DDX19A: variants seen among roughly 807,000 people sequenced by gnomAD.
DDX19A encodes the protein ATP-dependent RNA helicase DDX19A.
Under a neutral mutation model 60.6 loss-of-function variants are expected in DDX19A, and 12 were observed. That is an observed-to-expected ratio of 0.20 (90% CI 0.13 to 0.32). The LOEUF (loss-of-function observed/expected upper bound fraction) is 0.32, where lower values mean the gene tolerates loss of function less well. Ranked by LOEUF, DDX19A falls within the 10% of genes least tolerant of loss-of-function variation. The probability of loss-of-function intolerance (pLI) is 1.00; values close to 1 mark genes in which losing one functional copy is unlikely to be tolerated. For synonymous variants in DDX19A, 206 were observed against 218.2 expected (o/e 0.94, Z 0.49); for missense variants, 337 against 600.6 (o/e 0.56, Z 4.59).
intron 9 of DDX19A, among the ~76,000 whole-genome samples, chr16:70,367,952 G>T (rs1205044006): frequency 6.6e-6 from 1 of 152,100 alleles, no homozygotes; most frequent in Admixed American, 6.6e-5. Flanking sequence ...AAGGTAGAAG[G>T]ATTGCTTCAG....
rs2047299133 is a variant in DDX19A, at chr16:70,372,866, T to G, written c.*880T>G. ...GAGCAAGAATTTGGAATGGAAGTTA[T>G]GACCAAGGGAATTATGCTGTTCATT... On this transcript the variant is annotated 3_prime_UTR_variant, in exon 12 of 12. Transcript: ENST00000302243. 2 of 152,252 alleles carry G rather than the reference T, an allele frequency of 1.3e-5. No homozygotes were observed. Among genetic ancestry groups the G allele is most frequent in the African/African-American group, 4.8e-5 (2 of 41,466 alleles). The allele number at this position is 152,252 out of a possible 1,614,324, so 9.4% of individuals were successfully genotyped here.
chr16:70,347,889 C>T (rs1963885912), intron 1 of DDX19A: 1 of 331,200 alleles, frequency 3.0e-6, no homozygotes, highest in African/African-American at 2.3e-5. Flanking sequence ...GGGGTTTCTC[C>T]ATGTTGGTCA....
rs761568206 is a variant in DDX19A, at chr16:70,356,118, G to T, written c.164G>T (p.Arg55Ile). 17 of 1,613,792 alleles carry T rather than the reference G, an allele frequency of 1.1e-5. No individual in the cohort carries two copies. Among genetic ancestry groups the T allele is most frequent in the Non-Finnish European group, 1.4e-5 (17 of 1,180,016 alleles). The change falls in exon 4 of 12, where the codon AGA (arginine) becomes ATA (isoleucine). Residue 55 changes from arginine (R) to isoleucine (I), a missense_variant. By Grantham distance (97) the Arg-to-Ile change is moderately conservative. Around this residue, in one of 6 missense-constraint regions of DDX19A, gnomAD observed 127 missense variants for 160.3 expected, o/e 0.79. Coordinates refer to ENST00000302243, the MANE Select transcript of DDX19A (RefSeq NM_018332.5). The part of the protein sequence containing the change: ...EKTDEEEKED[R>I]AAQSLLNKLI... Reference sequence around the variant, plus strand: ...ACTGGTTTCTTCCTGACAGAGGACAGAGCTGCCCAGTCCTTACTCAACAAG... The same window carrying T: ...ACTGGTTTCTTCCTGACAGAGGACATAGCTGCCCAGTCCTTACTCAACAAG...
intron 7 of DDX19A, 194 bp from the exon 8 acceptor site, chr16:70,365,891 C>G: frequency 2.7e-6 from 2 of 735,976 alleles, no homozygotes; most frequent in Non-Finnish European, 4.5e-6. Context: ...TTGATCCTGA[C>G]CACAGTGCAC....
rs747732237 is a variant in DDX19A at position 70,361,462 on chromosome 16, G to A, written c.338G>A (p.Arg113Gln). ...LQGVYAMGFN[R>Q]PSKIQENALP... ...GGAGTCTATGCCATGGGCTTCAATC[G>A]ACCCTCCAAGATACAAGAGAACGCA... The change falls in exon 5 of 12, where the codon CGA (arginine) becomes CAA (glutamine). Residue 113 changes from arginine to glutamine, a missense_variant. Around this residue, in one of 6 missense-constraint regions of DDX19A, gnomAD observed 127 missense variants for 160.3 expected, o/e 0.79. Transcript: ENST00000302243. The A allele has an allele frequency of 2.4e-5, 38 of 1,613,618 alleles. No individual in the cohort carries two copies. Among genetic ancestry groups the A allele is most frequent in the Non-Finnish European group, 3.2e-5 (38 of 1,179,894 alleles).
At chr16:70,362,171 C>CA (rs1307887865) in intron 5 of DDX19A, among the ~76,000 whole-genome samples, 1,636 of 107,232 alleles carry the variant, frequency 0.015, 10 homozygotes, top group South Asian at 0.026. Context: ...GACCCTGTCT[C>CA]AAAAAAAAAA....
intron 2 of DDX19A, among the ~76,000 whole-genome samples, chr16:70,353,479 C>T (rs566892879): frequency 3.1e-4 from 47 of 152,164 alleles, no homozygotes; most frequent in Admixed American, 7.9e-4. Flanking sequence ...GCCTGTAATC[C>T]CAGCACTTTG....
chr16:70,347,677 T>C (rs1361378825), intron 1 of DDX19A, among the ~76,000 whole-genome samples: 1 of 152,194 alleles, frequency 6.6e-6, no homozygotes, highest in African/African-American at 2.4e-5. Context: ...TAATGGACTG[T>C]CTTTTTTTTT....
chr16:70,359,203 C>G (rs1457531699), intron 4 of DDX19A, among the ~76,000 whole-genome samples: 3 of 152,154 alleles, frequency 2.0e-5, no homozygotes. Context: ...TCAAAGAAAA[C>G]TGAGTCAGTG....
At chr16:70,350,894 T>TA (rs1963991623) in intron 2 of DDX19A, among the ~76,000 whole-genome samples, 1 of 144,522 alleles carries the variant, frequency 6.9e-6, no homozygotes, top group Non-Finnish European at 1.5e-5. Context: ...TTTATTTATT[T>TA]TGAGACGGAG....
intron 4 of DDX19A, among the ~76,000 whole-genome samples, chr16:70,361,112 A>T (rs1964351847): frequency 6.6e-6 from 1 of 152,190 alleles, no homozygotes; most frequent in East Asian, 1.9e-4. Flanking sequence ...TGCTGTGTCC[A>T]GGGAACACTT....
At chr16:70,364,807 A>T in intron 6 of DDX19A, 162 bp downstream of exon 6, 1 of 676,380 alleles carries the variant, frequency 1.5e-6, no homozygotes, top group Non-Finnish European at 2.5e-6. Context: ...ATGTGCTTGA[A>T]AGCAGCAGCC....
At chr16:70,351,117 C>T (rs1025020081) in intron 2 of DDX19A, among the ~76,000 whole-genome samples, 3 of 151,480 alleles carry the variant, frequency 2.0e-5, no homozygotes, top group South Asian at 2.1e-4. Flanking sequence ...CTCCTGTCCT[C>T]GTGATCCACC....
At position 70,365,070 on chromosome 16, in the gene DDX19A, T is replaced by G. The variant is rs1193595084; in HGVS notation, c.543T>G (p.Ile181Met). Residue 181 changes from isoleucine to methionine, a missense_variant, in exon 7 of 12, where the codon ATT becomes ATG. Around this residue, in one of 6 missense-constraint regions of DDX19A, gnomAD observed 62 missense variants for 75.7 expected, o/e 0.82. Transcript: ENST00000302243. ...TGGCGCTTCAAACAGGAAAAGTGATTGAGCAGATGGGCAAATTTTACCCAG... is the reference window on the plus strand; with the variant it reads ...TGGCGCTTCAAACAGGAAAAGTGATGGAGCAGATGGGCAAATTTTACCCAG... The part of the protein sequence containing the change: ...YELALQTGKV[I>M]EQMGKFYPEL... The G allele has an allele frequency of 8.7e-6, 14 of 1,614,222 alleles. 2 individuals carry two copies. In the South Asian group the frequency reaches 8.8e-5, roughly 10 times the overall value.
At chr16:70,365,820 G>A (rs1964503130) in intron 7 of DDX19A, 1 of 548,186 alleles carries the variant, frequency 1.8e-6, no homozygotes, top group East Asian at 3.2e-5. Flanking sequence ...GTTGGATGAT[G>A]TTGGATTATA....
chr16:70,370,833 T>G (rs1045027663), intron 10 of DDX19A: 1 of 189,960 alleles, frequency 5.3e-6, no homozygotes, highest in African/African-American at 2.4e-5. Flanking sequence ...CCATCTCTAC[T>G]AAAAATACAA....
Position 70,355,605 on chromosome 16 carries a change from A to G in DDX19A, c.157+70A>G. 10 of 1,191,686 alleles carry G rather than the reference A, an allele frequency of 8.4e-6. No homozygotes were observed. In the South Asian group the frequency reaches 1.2e-4, roughly 15 times the overall value. The allele number at this position is 1,191,686 out of a possible 1,614,324, so 73.8% of individuals were successfully genotyped here. On this transcript the variant is annotated intron_variant, in intron 3 of 11. Coordinates refer to ENST00000302243, the MANE Select transcript of DDX19A (RefSeq NM_018332.5). ...GGCTTGCCTTCCTGGAGCCAGGGGC[A>G]CTCCAAGCTACAAGATCCAGGAGAT...
intron 9 of DDX19A, among the ~76,000 whole-genome samples, chr16:70,367,562 G>T (rs577278722): frequency 1.3e-5 from 2 of 151,904 alleles, no homozygotes; most frequent in South Asian, 4.2e-4. Context: ...GATCTCTGAA[G>T]AAAATGTCAA....
chr16:70,359,651 T>C (rs1026739582), intron 4 of DDX19A, among the ~76,000 whole-genome samples: 1 of 151,908 alleles, frequency 6.6e-6, no homozygotes, highest in African/African-American at 2.4e-5. Context: ...AGCTCAGAAG[T>C]TCATGACCAG....
Sources: allele counts gnomAD v4.1 joint callset (sites outside exome capture counted in the v4.1 genomes callset), GRCh38; gene constraint gnomAD v4.1.1; regional missense constraint gnomAD v4.1.1; transcripts MANE v1.5; gene names NCBI Gene and HGNC (gene_info 2026-07-23, HGNC 2026-07-21).